Variants in DLGAP1 observed in about 807,000 individuals in gnomAD.
DLGAP1 encodes the protein DLG associated protein 1.
A neutral mutation model predicts 90.8 loss-of-function variants in DLGAP1; 11 were observed. The ratio of observed to expected loss-of-function variants is 0.12; its 90% CI spans 0.08 to 0.20. The LOEUF (loss-of-function observed/expected upper bound fraction) is 0.20. Ranked by LOEUF, DLGAP1 falls within the 10% of genes least tolerant of loss-of-function variation. The pLI is 1.00. For missense variants in DLGAP1, 1,050 were observed against 1,333.8 expected (o/e 0.79, Z 3.31); for synonymous variants, 558 against 540.7 (o/e 1.03, Z -0.44).
intron 7 of DLGAP1, among the ~76,000 whole-genome samples, chr18:3,644,704 C>A (rs62083216): frequency 3.3e-5 from 5 of 152,016 alleles, no homozygotes; most frequent in Non-Finnish European, 7.4e-5. Flanking sequence ...TGAGCCACTG[C>A]GGCCAGCCTA....
intron 3 of DLGAP1, among the ~76,000 whole-genome samples, chr18:3,927,036 T>C (rs28497040): frequency 0.14 from 21,844 of 152,124 alleles, 1,650 homozygotes; most frequent in Middle Eastern, 0.19. Context: ...TGAATAATAA[T>C]TTAATAAAAT....
At chr18:3,594,788 G>C (rs936981577) in intron 7 of DLGAP1, among the ~76,000 whole-genome samples, 3 of 152,178 alleles carry the variant, frequency 2.0e-5, no homozygotes, top group Non-Finnish European at 4.4e-5. Context: ...AGGGTGGATG[G>C]CAGTGAGGAT....
intron 7 of DLGAP1, among the ~76,000 whole-genome samples, chr18:3,583,719 G>C (rs980461404): frequency 4.6e-5 from 7 of 152,076 alleles, no homozygotes; most frequent in Admixed American, 2.6e-4. Flanking sequence ...AGGCCCAGGC[G>C]GGTGGATCAC....
intron 3 of DLGAP1, among the ~76,000 whole-genome samples, chr18:4,000,257 T>C (rs900815041): frequency 6.6e-6 from 1 of 152,066 alleles, no homozygotes; most frequent in Non-Finnish European, 1.5e-5. Flanking sequence ...ATGAATAAAA[T>C]TGAAATTAGC....
chr18:4,012,163 T>G (rs553079301), intron 2 of DLGAP1, among the ~76,000 whole-genome samples: 1 of 152,182 alleles, frequency 6.6e-6, no homozygotes, highest in African/African-American at 2.4e-5. Context: ...TCCTGGCCTC[T>G]TCAGTGTCCT....
At chr18:4,305,132 C>T (rs2080218164) in intron 1 of DLGAP1, among the ~76,000 whole-genome samples, 1 of 152,104 alleles carries the variant, frequency 6.6e-6, no homozygotes, top group African/African-American at 2.4e-5. Flanking sequence ...CAAAAAGGAA[C>T]AGACCCTGAG....
chr18:3,579,006 C>T (rs193190484), intron 8 of DLGAP1, among the ~76,000 whole-genome samples: 7 of 152,168 alleles, frequency 4.6e-5, no homozygotes, highest in African/African-American at 7.2e-5. Context: ...CAATGGTATA[C>T]GTGGATTTAA....
At chr18:4,254,906 T>C (rs1485495988) in intron 1 of DLGAP1, among the ~76,000 whole-genome samples, 1 of 152,098 alleles carries the variant, frequency 6.6e-6, no homozygotes, top group Non-Finnish European at 1.5e-5. Flanking sequence ...CAGTCTGTAG[T>C]AAGGTGCTAA....
intron 1 of DLGAP1, among the ~76,000 whole-genome samples, chr18:4,159,136 G>T (rs2076803799): frequency 6.6e-6 from 1 of 152,132 alleles, no homozygotes; most frequent in Non-Finnish European, 1.5e-5. Context: ...GACATAATGT[G>T]CACATAGTAC....
intron 5 of DLGAP1, among the ~76,000 whole-genome samples, chr18:3,776,919 C>T (rs1202135223): frequency 6.6e-6 from 1 of 152,148 alleles, no homozygotes; most frequent in Non-Finnish European, 1.5e-5. Context: ...GCCTCATGAG[C>T]AGCTGGGATC....
intron 7 of DLGAP1, among the ~76,000 whole-genome samples, chr18:3,600,722 A>C (rs1322187420): frequency 0.035 from 1,574 of 45,574 alleles, 393 homozygotes; most frequent in Admixed American, 0.045. Flanking sequence ...ATAGATATAG[A>C]GATATAGATA....
intron 5 of DLGAP1, among the ~76,000 whole-genome samples, chr18:3,773,385 A>G (rs762914089): frequency 3.3e-4 from 51 of 152,310 alleles, no homozygotes; most frequent in Non-Finnish European, 6.3e-4. Context: ...CCAGGTGACT[A>G]ACTATTGTTG....
intron 1 of DLGAP1, among the ~76,000 whole-genome samples, chr18:4,247,377 C>A (rs939707647): frequency 6.6e-6 from 1 of 152,124 alleles, no homozygotes; most frequent in African/African-American, 2.4e-5. Flanking sequence ...AGGAAGAGAA[C>A]CAGAATTCGA....
intron 1 of DLGAP1, among the ~76,000 whole-genome samples, chr18:4,364,029 G>C (rs2144130006): frequency 6.6e-6 from 1 of 151,684 alleles, no homozygotes; most frequent in Admixed American, 6.6e-5. Context: ...ATGATAGACT[G>C]GATTAAGAAA....
intron 5 of DLGAP1, among the ~76,000 whole-genome samples, chr18:3,778,401 A>G (rs2065030885): frequency 6.6e-6 from 1 of 151,902 alleles, no homozygotes; most frequent in Non-Finnish European, 1.5e-5. Flanking sequence ...AAATTGTACC[A>G]TTGCACTCCA....
intron 2 of DLGAP1, among the ~76,000 whole-genome samples, chr18:4,053,830 T>A (rs2075173174): frequency 6.6e-6 from 1 of 152,244 alleles, no homozygotes; most frequent in Non-Finnish European, 1.5e-5. Context: ...GAATTATGGG[T>A]AAAATCCAGT....
intron 1 of DLGAP1, among the ~76,000 whole-genome samples, chr18:4,439,031 T>C (rs2083466348): frequency 6.6e-6 from 1 of 152,196 alleles, no homozygotes; most frequent in Non-Finnish European, 1.5e-5. Context: ...ATCCACTGAA[T>C]GCCTCCTTCC....
At chr18:3,824,660 T>C (rs984812750) in intron 4 of DLGAP1, among the ~76,000 whole-genome samples, 4 of 152,200 alleles carry the variant, frequency 2.6e-5, no homozygotes, top group African/African-American at 9.6e-5. Flanking sequence ...ACTTACATAT[T>C]TGACATTTAT....
intron 2 of DLGAP1, among the ~76,000 whole-genome samples, chr18:4,051,148 ATAT>A (rs759867896): frequency 1.3e-5 from 2 of 152,208 alleles, no homozygotes; most frequent in Admixed American, 6.5e-5. Context: ...TAGTTTTAAG[ATAT>A]TAATAAACAA....
Sources: allele counts gnomAD v4.1 joint callset (sites outside exome capture counted in the v4.1 genomes callset), GRCh38; gene constraint gnomAD v4.1.1; transcripts MANE v1.5; gene names NCBI Gene and HGNC (gene_info 2026-07-23, HGNC 2026-07-21).